The following SLC4A5 variants were observed in gnomAD, a reference collection of about 807,000 sequenced individuals.
SLC4A5 encodes the protein solute carrier family 4 member 5.
SLC4A5 carries 96 observed loss-of-function variants against 120.4 expected under a neutral mutation model. The ratio of observed to expected loss-of-function variants is 0.80; its 90% CI spans 0.68 to 0.94. The LOEUF (loss-of-function observed/expected upper bound fraction) is 0.94. SLC4A5 is among the 40% of genes least tolerant of loss of function. SLC4A5 has a pLI of 0.00. For missense variants in SLC4A5, 1,259 were observed against 1,459.5 expected (o/e 0.86, Z 2.24); for synonymous variants, 550 against 571.1 (o/e 0.96, Z 0.53).
chr2:74,247,814 CA>C (rs980556428), intron 18 of SLC4A5, among the ~76,000 whole-genome samples: 6 of 151,344 alleles, frequency 4.0e-5, no homozygotes, highest in East Asian at 1.9e-4. Context: ...CACGCCCGGC[CA>C]AAAAAAAATT....
chr2:74,269,509 A>G (rs2104075852), intron 8 of SLC4A5, among the ~76,000 whole-genome samples: 1 of 152,326 alleles, frequency 6.6e-6, no homozygotes, highest in South Asian at 2.1e-4. Flanking sequence ...CTGGGATTAC[A>G]GGCGTGAGCC....
At chr2:74,227,568 TAAAATGGGG>T in intron 26 of SLC4A5, 1 of 1,602,318 alleles carries the variant, frequency 6.2e-7, no homozygotes, top group Non-Finnish European at 8.5e-7. Flanking sequence ...TCCCCATCTG[TAAAATGGGG>T]ATCAGAGGAC....
Position 74,264,082 on chromosome 2 carries a change from C to T in SLC4A5, c.715+65G>A, listed in dbSNP as rs112592002. ...CTCCCAGCCCCTAAGGTGGGCTCAC[C>T]CGGGTACCAGGGCCTGATACTGGCC... On this transcript the variant is annotated intron_variant, in intron 10 of 30. Transcript: ENST00000394019. The T allele has an allele frequency of 2.5e-5, 39 of 1,553,366 alleles. No homozygotes were observed. The African/African-American group carries it at 2.6e-4, about 10-fold the overall frequency.
At chr2:74,236,500 C>T (rs1381586039) in intron 21 of SLC4A5, among the ~76,000 whole-genome samples, 3 of 152,184 alleles carry the variant, frequency 2.0e-5, no homozygotes, top group Admixed American at 2.0e-4. Context: ...CCACTTTGAC[C>T]TTTCCATTGT....
In SLC4A5 at chr2:74,218,320, T is replaced by C. The variant is rs1694508343; in HGVS notation, c.*506A>G. On this transcript the variant is annotated 3_prime_UTR_variant, in exon 31 of 31. Transcript: ENST00000394019. ...TTTGTTTTAAATATGAATTGACTAT[T>C]GCCCCTTTATCTTAGCTATGGTTTG... 3 of 152,348 alleles carry C rather than the reference T, an allele frequency of 2.0e-5. No individual in the cohort carries two copies. The South Asian group carries it at 6.2e-4, about 32-fold the overall frequency. The allele number at this position is 152,348 out of a possible 1,614,324, so 9.4% of individuals were successfully genotyped here.
rs1244169513 is a variant in SLC4A5, at chr2:74,324,410, G to A, written c.-3+3710C>T. On this transcript the variant is annotated intron_variant, in intron 5 of 30. Coordinates refer to ENST00000394019, the Ensembl canonical transcript of SLC4A5. ...AAAGTAGGTGGGATTACACGTGTGA[G>A]CAGCTCCAGAAAGCTTGTTAAAATA... is the stretch of plus-strand genomic sequence containing the variant. Among the ~76,000 whole-genome samples the A allele has an allele frequency of 2.6e-5, 4 of 152,136 alleles. No individual in the cohort carries two copies. The East Asian group carries it at 5.8e-4, about 22-fold the overall frequency.
chr2:74,275,287 T>C lies in SLC4A5; in HGVS notation c.402-10023A>G, dbSNP rs182352302. Among the ~76,000 whole-genome samples, 465 of 152,326 alleles carry C rather than the reference T, an allele frequency of 3.1e-3. 3 individuals carry two copies. Among genetic ancestry groups the C allele is most frequent in the South Asian group, 8.1e-3 (39 of 4,822 alleles). ...AGGGTCCATCCTCCTGCACACCATG[T>C]CCTCATTCAGGGTTGAAGGAGAGCC... On this transcript the variant is annotated intron_variant, in intron 8 of 30. Coordinates refer to ENST00000394019, the Ensembl canonical transcript of SLC4A5.
chr2:74,298,813 A>C (rs1672399481), intron 7 of SLC4A5, among the ~76,000 whole-genome samples: 1 of 152,210 alleles, frequency 6.6e-6, no homozygotes, highest in Non-Finnish European at 1.5e-5. Flanking sequence ...CAGGAAGCTG[A>C]GGCAAGAGGA....
chr2:74,321,022 G>A (rs72818078), intron 5 of SLC4A5, among the ~76,000 whole-genome samples: 2 of 152,274 alleles, frequency 1.3e-5, no homozygotes, highest in Non-Finnish European at 2.9e-5. Flanking sequence ...ATATTCCACC[G>A]ATACGCATTG....
At chr2:74,330,771 A>G (rs1673339919) in intron 4 of SLC4A5, among the ~76,000 whole-genome samples, 3 of 140,324 alleles carry the variant, frequency 2.1e-5, no homozygotes, top group African/African-American at 8.1e-5. Context: ...TGATGTCTAC[A>G]TGGAGGTGGT....
intron 5 of SLC4A5, among the ~76,000 whole-genome samples, chr2:74,316,675 C>T (rs1049648937): frequency 4.6e-5 from 7 of 152,214 alleles, no homozygotes; most frequent in Non-Finnish European, 8.8e-5. Flanking sequence ...AACTGCCACA[C>T]GGTTTTTCTT....
intron 20 of SLC4A5, among the ~76,000 whole-genome samples, chr2:74,241,307 C>T (rs993570749): frequency 4.0e-5 from 6 of 149,326 alleles, no homozygotes; most frequent in East Asian, 2.0e-4. Context: ...GCTCTGTCAC[C>T]GAGGCTGGAG....
chr2:74,271,765 GA>G, intron 8 of SLC4A5, among the ~76,000 whole-genome samples: 1 of 150,842 alleles, frequency 6.6e-6, no homozygotes, highest in South Asian at 2.1e-4. Flanking sequence ...AATGACTGGG[GA>G]AAAAAAGCTT....
At chr2:74,235,208 C>T in exon 22 of SLC4A5, 1 of 1,613,506 alleles carries the variant, frequency 6.2e-7, no homozygotes, top group South Asian at 1.1e-5. Flanking sequence ...GCCACCAGGG[C>T]CCGGACCTGC....
intron 7 of SLC4A5, among the ~76,000 whole-genome samples, chr2:74,290,950 C>A (rs185759565): frequency 6.6e-6 from 1 of 152,092 alleles, no homozygotes; most frequent in African/African-American, 2.4e-5. Context: ...TCCTTAGGAG[C>A]CTTGGTGGCA....
rs1328920718 is a variant in SLC4A5, at chr2:74,285,906, C to T, written c.272-4G>A. 11 of 1,590,514 alleles carry T rather than the reference C, an allele frequency of 6.9e-6. No homozygotes were observed. The Admixed American group carries it at 1.1e-4, about 15-fold the overall frequency. On this transcript the variant is annotated splice_region_variant and splice_polypyrimidine_tract_variant and intron_variant, in intron 7 of 30. Transcript: ENST00000394019. ...AGCTGCTCAGCAGCTGGGGACCCTG[C>T]AAAAGAGGGGCAGCAGGTCTGCTGA...
At position 74,296,512 on chromosome 2, in the gene SLC4A5, T is replaced by C. The variant is rs1024984270; in HGVS notation, c.271+7977A>G. On this transcript the variant is annotated intron_variant, in intron 7 of 30. Transcript: ENST00000394019. Reference sequence around the variant, plus strand: ...GCACTGTGGCTCACGTCTGTAATCCTAGCACTTTGGGAGGCCGAGGCAGGT... The same window carrying C: ...GCACTGTGGCTCACGTCTGTAATCCCAGCACTTTGGGAGGCCGAGGCAGGT... 2.7e-5 allele frequency among the ~76,000 whole-genome samples: 4 copies of C among 149,742 alleles called. No individual in the cohort carries two copies. In the East Asian group the frequency reaches 7.9e-4, roughly 30 times the overall value.
chr2:74,245,246 G>A (rs980973667), intron 19 of SLC4A5, among the ~76,000 whole-genome samples: 1 of 152,178 alleles, frequency 6.6e-6, no homozygotes, highest in African/African-American at 2.4e-5. Context: ...TTGAACCCAG[G>A]AGGCAGAGGT....
intron 7 of SLC4A5, 117 bp from the exon 8 acceptor site, chr2:74,286,019 A>C: frequency 8.0e-7 from 1 of 1,247,810 alleles, no homozygotes; most frequent in African/African-American, 1.5e-5. Context: ...TAATTCTGTA[A>C]AACTAAGTCC....
Sources: allele counts gnomAD v4.1 joint callset (sites outside exome capture counted in the v4.1 genomes callset), GRCh38; gene constraint gnomAD v4.1.1; transcripts MANE v1.5; gene names NCBI Gene and HGNC (gene_info 2026-07-23, HGNC 2026-07-21).